Variants in IL12RB2 observed in about 807,000 individuals in gnomAD.
IL12RB2 encodes interleukin-12 receptor subunit beta-2.
A neutral mutation model predicts 89.4 loss-of-function variants in IL12RB2; 82 were observed. That is an observed-to-expected ratio of 0.92 (90% confidence interval 0.77 to 1.10). The LOEUF (loss-of-function observed/expected upper bound fraction) is 1.10, where lower values mean the gene tolerates loss of function less well. IL12RB2 is among the 50% of genes least tolerant of loss of function. The pLI, the probability that IL12RB2 is intolerant of heterozygous loss-of-function variation, is 0.00. For synonymous variants in IL12RB2, 368 were observed against 370.1 expected, an observed-to-expected ratio of 0.99 and a Z score of 0.07; for missense variants, 963 against 1,031.9, an observed-to-expected ratio of 0.93 and a Z score of 0.92.
chr1:67,372,789 T>A lies in IL12RB2; in HGVS notation c.1717+6T>A. ...CTCCCAGCCTCAGCTCTGTGGTATGTGTGAGAACCAAATGCAGTGAGTGGG... is the reference window on the plus strand; with the variant it reads ...CTCCCAGCCTCAGCTCTGTGGTATGAGTGAGAACCAAATGCAGTGAGTGGG... On this transcript the variant is annotated splice_donor_region_variant and intron_variant, in intron 13 of 16. Coordinates refer to ENST00000674203, the MANE Select transcript of IL12RB2 (RefSeq NM_001374259.2). 6.3e-7 allele frequency: 1 copy of A among 1,595,952 alleles called. No homozygotes were observed. The highest frequency in any genetic ancestry group is 8.6e-7 in the Non-Finnish European group (1 of 1,163,638).
intron 10 of IL12RB2, among the ~76,000 whole-genome samples, chr1:67,364,554 G>A (rs1372753246): frequency 6.6e-6 from 1 of 152,164 alleles, no homozygotes; most frequent in Non-Finnish European, 1.5e-5. Flanking sequence ...GTAACTGGGA[G>A]CATTACTTAA....
chr1:67,379,509 C>CAAAAAAAAAA (rs58494224), intron 13 of IL12RB2, among the ~76,000 whole-genome samples: 4 of 68,508 alleles, frequency 5.8e-5, no homozygotes, highest in Non-Finnish European at 7.8e-5. Flanking sequence ...GAACCTGTCT[C>CAAAAAAAAAA]AAAAAAAAAA....
chr1:67,330,934 A>G (rs1658000002), intron 8 of IL12RB2, 124 bp downstream of exon 8: 1 of 731,390 alleles, frequency 1.4e-6, no homozygotes, highest in African/African-American at 1.8e-5. Context: ...GCATGACTGC[A>G]TTAGTTAACA....
At chr1:67,347,461 AT>A (rs1182630320) in intron 9 of IL12RB2, among the ~76,000 whole-genome samples, 3 of 152,196 alleles carry the variant, frequency 2.0e-5, no homozygotes, top group African/African-American at 7.2e-5. Flanking sequence ...ATAAAAACAG[AT>A]GCATTGCATT....
At chr1:67,315,997 G>A (rs1230883254) in intron 2 of IL12RB2, among the ~76,000 whole-genome samples, 1 of 152,122 alleles carries the variant, frequency 6.6e-6, no homozygotes, top group East Asian at 1.9e-4. Context: ...CCACAATGTA[G>A]TAGAATAAGA....
chr1:67,389,451 T>C (rs1057279168), intron 15 of IL12RB2, among the ~76,000 whole-genome samples: 1 of 152,218 alleles, frequency 6.6e-6, no homozygotes, highest in African/African-American at 2.4e-5. Context: ...GTTTTTAGGA[T>C]TTTTCCTTCT....
Position 67,320,365 on chromosome 1 carries a change from G to A in IL12RB2, c.-4G>A, listed in dbSNP as rs1215469684. On this transcript the variant is annotated 5_prime_UTR_variant, in exon 3 of 17. Coordinates refer to ENST00000674203, the MANE Select transcript of IL12RB2 (RefSeq NM_001374259.2). ...ACGGAGTTCTATACCAGAGTTGATTGTTGATGGCACATACTTTTAGAGGAT... is the reference window on the plus strand; with the variant it reads ...ACGGAGTTCTATACCAGAGTTGATTATTGATGGCACATACTTTTAGAGGAT... 18 of 1,613,784 alleles carry A rather than the reference G, an allele frequency of 1.1e-5. No individual in the cohort carries two copies. The highest frequency in any genetic ancestry group is 6.7e-5 in the East Asian group (3 of 44,826).
At chr1:67,344,347 C>G (rs1415659801) in intron 9 of IL12RB2, among the ~76,000 whole-genome samples, 1 of 152,134 alleles carries the variant, frequency 6.6e-6, no homozygotes, top group African/African-American at 2.4e-5. Context: ...GGCTGGAGTG[C>G]AGTGGCGTGA....
chr1:67,385,930 G>T (rs1570190675), intron 14 of IL12RB2, among the ~76,000 whole-genome samples: 1 of 152,138 alleles, frequency 6.6e-6, no homozygotes, highest in African/African-American at 2.4e-5. Context: ...TGAAGTCCAG[G>T]CCGGGCACGG....
At chr1:67,362,604 A>T (rs1045034366) in intron 10 of IL12RB2, among the ~76,000 whole-genome samples, 1 of 150,772 alleles carries the variant, frequency 6.6e-6, no homozygotes, top group Non-Finnish European at 1.5e-5. Context: ...AAAAAGAAAA[A>T]AAAAGAAACC....
chr1:67,367,692 C>G, intron 10 of IL12RB2, 133 bp from the exon 11 acceptor site: 1 of 715,626 alleles, frequency 1.4e-6, no homozygotes, highest in Non-Finnish European at 2.6e-6. Context: ...ATCTGTGACT[C>G]CAAAGTCTTT....
At chr1:67,347,147 G>A (rs1660331044) in intron 9 of IL12RB2, among the ~76,000 whole-genome samples, 1 of 152,136 alleles carries the variant, frequency 6.6e-6, no homozygotes, top group Non-Finnish European at 1.5e-5. Context: ...GAGCAAGGAA[G>A]CAAAGGATCT....
intron 10 of IL12RB2, among the ~76,000 whole-genome samples, chr1:67,367,458 A>G (rs1380106911): frequency 5.6e-5 from 4 of 71,168 alleles, no homozygotes; most frequent in Non-Finnish European, 1.3e-4. Context: ...AAGGAAAGGA[A>G]CGAGGGAAGG....
intron 8 of IL12RB2, among the ~76,000 whole-genome samples, chr1:67,335,597 C>A (rs192026552): frequency 8.0e-4 from 121 of 152,176 alleles, no homozygotes; most frequent in Middle Eastern, 3.4e-3. Flanking sequence ...TCATTTGTAC[C>A]CATTTCTTTT....
At chr1:67,376,551 C>T (rs1383262934) in intron 13 of IL12RB2, among the ~76,000 whole-genome samples, 2 of 152,200 alleles carry the variant, frequency 1.3e-5, no homozygotes, top group Non-Finnish European at 2.9e-5. Context: ...CCAGAGATCA[C>T]AGCCCAGAGG....
chr1:67,386,872 TTATATATATATATATATATATATA>T (rs1179774666), intron 15 of IL12RB2, among the ~76,000 whole-genome samples: 766 of 48,464 alleles, frequency 0.016, 34 homozygotes, highest in Middle Eastern at 0.054. Flanking sequence ...GAAATGTATT[TTATATATATATATATATATATATA>T]TATATATATA....
Position 67,326,760 on chromosome 1 carries a change from A to G in IL12RB2, c.390A>G (p.Leu130=). The change falls in exon 5 of 17, where the codon TTA becomes TTG. Residue 130 remains leucine, a synonymous_variant. Coordinates refer to ENST00000674203, the MANE Select transcript of IL12RB2 (RefSeq NM_001374259.2). ...TTGCTCCAGAACAGCCTCAAAATTT[A>G]TCCTGCATACAGAAGGGAGAACAGG... ...VGVAPEQPQN[L]SCIQKGEQGT... 1 of 1,613,648 alleles carries G rather than the reference A, an allele frequency of 6.2e-7. No homozygotes were observed.
chr1:67,327,254 C>T (rs143672331), intron 5 of IL12RB2, among the ~76,000 whole-genome samples: 47 of 152,216 alleles, frequency 3.1e-4, no homozygotes, highest in Middle Eastern at 3.4e-3. Context: ...CCACGGTGCC[C>T]GGCCTATCTG....
Position 67,397,726 on chromosome 1 carries a change from C to A in IL12RB2, c.*1637C>A, listed in dbSNP as rs530451849. Among the ~76,000 whole-genome samples, 1 of 152,314 alleles carries A rather than the reference C, an allele frequency of 6.6e-6. No homozygotes were observed. The highest frequency in any genetic ancestry group is 1.5e-5 in the Non-Finnish European group (1 of 68,030). The stretch of plus-strand genomic sequence containing the variant: ...TCCCTAAAGAACAGGATAAAAGATC[C>A]AAAATACTTTTTCTTAAATTCCTGT... On this transcript the variant is annotated 3_prime_UTR_variant, in exon 17 of 17. Transcript: ENST00000674203.
Sources: allele counts gnomAD v4.1 joint callset (sites outside exome capture counted in the v4.1 genomes callset), GRCh38; gene constraint gnomAD v4.1.1; transcripts MANE v1.5; gene names NCBI Gene and HGNC (gene_info 2026-07-23, HGNC 2026-07-21).